FLT1: variants seen among roughly 807,000 people sequenced by gnomAD.
FLT1 encodes the protein fms related receptor tyrosine kinase 1.
A neutral mutation model predicts 156.3 loss-of-function variants in FLT1; 49 were observed. That is an observed-to-expected ratio of 0.31 (90% CI 0.25 to 0.40). The LOEUF (loss-of-function observed/expected upper bound fraction) is 0.40, where lower values mean the gene tolerates loss of function less well. FLT1 is among the 10% of genes least tolerant of loss of function. The probability of loss-of-function intolerance (pLI) is 1.00; values close to 1 mark genes in which losing one functional copy is unlikely to be tolerated. For synonymous variants in FLT1, 594 were observed against 583.8 expected, an observed-to-expected ratio of 1.02 and a Z score of -0.25; for missense variants, 1,322 against 1,637.2, an observed-to-expected ratio of 0.81 and a Z score of 3.32.
intron 14 of FLT1, among the ~76,000 whole-genome samples, chr13:28,382,842 G>A (rs1227529914): frequency 6.6e-6 from 1 of 152,140 alleles, no homozygotes; most frequent in Non-Finnish European, 1.5e-5. Flanking sequence ...GAAGTGATGT[G>A]ATTGGTTTTG....
intron 15 of FLT1, among the ~76,000 whole-genome samples, chr13:28,352,788 T>C (rs1260943310): frequency 6.6e-6 from 1 of 152,212 alleles, no homozygotes; most frequent in Admixed American, 6.5e-5. Flanking sequence ...AATTAGTTTA[T>C]CACATCCTTT....
chr13:28,312,299 A>C (rs1871037639), intron 25 of FLT1, among the ~76,000 whole-genome samples: 1 of 152,204 alleles, frequency 6.6e-6, no homozygotes, highest in Admixed American at 6.5e-5. Context: ...TGGTCAGTGG[A>C]AAACACGTCT....
chr13:28,330,325 A>G (rs1871873005), intron 18 of FLT1, among the ~76,000 whole-genome samples: 1 of 152,244 alleles, frequency 6.6e-6, no homozygotes, highest in African/African-American at 2.4e-5. Context: ...AAGAATTAGC[A>G]GAGTCTAAAG....
At chr13:28,472,863 G>A (rs1448197691) in intron 1 of FLT1, among the ~76,000 whole-genome samples, 1 of 152,114 alleles carries the variant, frequency 6.6e-6, no homozygotes, top group Admixed American at 6.6e-5. Context: ...TGATAACAAT[G>A]TATAAGTTAG....
chr13:28,382,680 T>C (rs1874128655), intron 14 of FLT1, among the ~76,000 whole-genome samples: 1 of 152,084 alleles, frequency 6.6e-6, no homozygotes, highest in Non-Finnish European at 1.5e-5. Context: ...AAGGAATGGA[T>C]TTGAGAAATA....
At chr13:28,372,048 G>GTGTATATA (rs1288888215) in intron 14 of FLT1, among the ~76,000 whole-genome samples, 3 of 75,582 alleles carry the variant, frequency 4.0e-5, no homozygotes, top group African/African-American at 6.3e-5. Flanking sequence ...GTGTGTGTGT[G>GTGTATATA]TATATATATA....
At chr13:28,388,334 G>C in intron 13 of FLT1, 1 of 1,057,992 alleles carries the variant, frequency 9.5e-7, no homozygotes, top group Non-Finnish European at 1.1e-6. Context: ...GACAGAATCT[G>C]TTACCTAAAG....
intron 12 of FLT1, among the ~76,000 whole-genome samples, chr13:28,396,423 C>A (rs1293439307): frequency 1.3e-5 from 2 of 151,994 alleles, no homozygotes; most frequent in African/African-American, 4.8e-5. Flanking sequence ...TTTGCAGAGA[C>A]CATCATATTT....
intron 1 of FLT1, among the ~76,000 whole-genome samples, chr13:28,473,822 GAAAGAAAGA>G (rs1566050894): frequency 1.5e-4 from 18 of 123,638 alleles, no homozygotes; most frequent in Non-Finnish European, 2.3e-4. Flanking sequence ...AAGAAAGAAA[GAAAGAAAGA>G]AAGAAAGGAA....
chr13:28,482,420 C>T (rs560591294), intron 1 of FLT1, among the ~76,000 whole-genome samples: 1 of 151,262 alleles, frequency 6.6e-6, no homozygotes, highest in East Asian at 1.9e-4. Context: ...AAAAGTGAAA[C>T]TCCATCTCAA....
chr13:28,354,151 A>G (rs954363450), intron 15 of FLT1, among the ~76,000 whole-genome samples: 1 of 152,216 alleles, frequency 6.6e-6, no homozygotes, highest in African/African-American at 2.4e-5. Flanking sequence ...CTCTAGAAGA[A>G]GAGTCCCATT....
intron 8 of FLT1, 123 bp downstream of exon 8, chr13:28,429,927 C>G: frequency 1.3e-6 from 1 of 781,482 alleles, no homozygotes; most frequent in South Asian, 1.4e-5. Flanking sequence ...GAGTTCTGAG[C>G]TCTCTGGGGC....
At chr13:28,494,711 T>G (rs1881661674) in intron 1 of FLT1, 69 bp downstream of exon 1, 11 of 1,282,448 alleles carry the variant, frequency 8.6e-6, no homozygotes, top group Non-Finnish European at 1.2e-5. Context: ...CGCCCTGGCC[T>G]CGGAGGCTCT....
At chr13:28,317,660 G>A (rs1213490036) in intron 24 of FLT1, 63 bp from the exon 25 acceptor site, 5 of 1,011,416 alleles carry the variant, frequency 4.9e-6, no homozygotes, top group Non-Finnish European at 7.9e-6. Flanking sequence ...AAGACCAAGA[G>A]GGGACAATTC....
chr13:28,483,624 T>C (rs1332970559), intron 1 of FLT1, among the ~76,000 whole-genome samples: 1 of 152,176 alleles, frequency 6.6e-6, no homozygotes, highest in Non-Finnish European at 1.5e-5. Flanking sequence ...ATTTTCTCCT[T>C]CTTGACTTCT....
intron 6 of FLT1, among the ~76,000 whole-genome samples, chr13:28,432,174 A>G (rs149109256): frequency 0.013 from 2,033 of 151,904 alleles, 56 homozygotes; most frequent in African/African-American, 0.046. Flanking sequence ...ATCCTTCCCC[A>G]TAGTCATAGG....
At chr13:28,465,488 G>A (rs77715856) in intron 3 of FLT1, among the ~76,000 whole-genome samples, 1,811 of 152,210 alleles carry the variant, frequency 0.012, 33 homozygotes, top group African/African-American at 0.041. Flanking sequence ...TCCTGAATTT[G>A]GATATGTACA....
intron 15 of FLT1, among the ~76,000 whole-genome samples, chr13:28,356,622 A>G (rs1048358158): frequency 1.3e-5 from 2 of 152,226 alleles, no homozygotes; most frequent in African/African-American, 2.4e-5. Context: ...GAATTCTCAG[A>G]GTTAAAATAT....
intron 3 of FLT1, among the ~76,000 whole-genome samples, chr13:28,456,842 T>G (rs1879298298): frequency 6.6e-6 from 1 of 150,948 alleles, no homozygotes; most frequent in Admixed American, 6.6e-5. Flanking sequence ...TTGCCAGGGG[T>G]TGGGATTAAG....
Sources: gnomAD v4.1 joint callset for allele counts (sites outside exome capture counted in the v4.1 genomes callset) on GRCh38, gnomAD v4.1.1 for gene constraint, MANE v1.5 for transcripts, NCBI Gene and HGNC (gene_info 2026-07-23, HGNC 2026-07-21) for gene names.